The following CDH4 variants were observed in gnomAD, a reference collection of about 807,000 sequenced individuals.
The protein encoded by CDH4 is cadherin-4.
Under a neutral mutation model 86.0 loss-of-function variants are expected in CDH4, and 33 were observed. That is an observed-to-expected ratio of 0.38 (90% CI 0.29 to 0.51). The LOEUF (loss-of-function observed/expected upper bound fraction) is 0.51, where lower values mean the gene tolerates loss of function less well. CDH4 is among the 20% of genes least tolerant of loss of function. CDH4 has a pLI of 0.86. For synonymous variants in CDH4, 555 were observed against 549.4 expected, an observed-to-expected ratio of 1.01 and a Z score of -0.14; for missense variants, 1,114 against 1,307.4, an observed-to-expected ratio of 0.85 and a Z score of 2.28.
At chr20:61,660,173 G>A (rs889089307) in intron 2 of CDH4, among the ~76,000 whole-genome samples, 8 of 152,198 alleles carry the variant, frequency 5.3e-5, no homozygotes, top group Middle Eastern at 3.4e-3. Flanking sequence ...TCTGACCTTC[G>A]TCTCTGGGTG....
chr20:61,932,594 C>G lies in CDH4; in HGVS notation c.2240-391C>G, dbSNP rs112592067. Among the ~76,000 whole-genome samples the G allele has an allele frequency of 4.6e-4, 70 of 152,252 alleles. 1 individual carries two copies. The highest frequency in any genetic ancestry group is 2.1e-3 in the Admixed American group (32 of 15,304). On this transcript the variant is annotated intron_variant, in intron 13 of 15. Transcript: ENST00000614565. The stretch of plus-strand genomic sequence containing the variant: ...ACACGAGCACACACACAGATCTACA[C>G]GCTCACACCCAGGCACACGCATGTG...
chr20:61,838,986 T>A (rs1438046265), intron 4 of CDH4, among the ~76,000 whole-genome samples: 2 of 152,148 alleles, frequency 1.3e-5, no homozygotes, highest in East Asian at 3.8e-4. Flanking sequence ...GAGCTTTTAC[T>A]CCATGGAGAG....
chr20:61,727,554 G>T (rs1025920433), intron 2 of CDH4, among the ~76,000 whole-genome samples: 1 of 152,232 alleles, frequency 6.6e-6, no homozygotes, highest in Non-Finnish European at 1.5e-5. Context: ...AGGAAAGGAG[G>T]TTTAATCGGC....
intron 2 of CDH4, among the ~76,000 whole-genome samples, chr20:61,403,663 G>A (rs140815363): frequency 2.9e-4 from 44 of 152,282 alleles, no homozygotes; most frequent in East Asian, 9.7e-4. Context: ...CCAGAAGGCC[G>A]TGTGCTCATG....
At chr20:61,620,433 T>C (rs1338849422) in intron 2 of CDH4, among the ~76,000 whole-genome samples, 1 of 151,660 alleles carries the variant, frequency 6.6e-6, no homozygotes, top group Non-Finnish European at 1.5e-5. Context: ...GGATAGATAA[T>C]AGATGCTTGA....
intron 2 of CDH4, among the ~76,000 whole-genome samples, chr20:61,486,051 G>A (rs1448303359): frequency 6.6e-6 from 1 of 152,214 alleles, no homozygotes; most frequent in Non-Finnish European, 1.5e-5. Flanking sequence ...GAGAAATGGG[G>A]AGCATTGGCC....
chr20:61,683,936 C>T (rs1274060932), intron 2 of CDH4, among the ~76,000 whole-genome samples: 1 of 152,196 alleles, frequency 6.6e-6, no homozygotes, highest in Non-Finnish European at 1.5e-5. Flanking sequence ...AGGCTGGGCT[C>T]TTCCTGGCGG....
chr20:61,307,427 C>T (rs1175077570), intron 2 of CDH4, among the ~76,000 whole-genome samples: 1 of 152,026 alleles, frequency 6.6e-6, no homozygotes, highest in Non-Finnish European at 1.5e-5. Context: ...ACACACGTTG[C>T]ATGTGTCAGG....
intron 15 of CDH4, among the ~76,000 whole-genome samples, chr20:61,935,617 C>T (rs540301152): frequency 8.0e-5 from 12 of 149,432 alleles, no homozygotes; most frequent in African/African-American, 3.0e-4. Flanking sequence ...AATTAGCCGG[C>T]GTGGTGGCCT....
At chr20:61,711,044 A>G (rs1444575206) in intron 2 of CDH4, among the ~76,000 whole-genome samples, 1 of 152,018 alleles carries the variant, frequency 6.6e-6, no homozygotes, top group Middle Eastern at 3.2e-3. Context: ...AATCCCTCTA[A>G]TCTCCACGTG....
rs1985291467 is a variant in CDH4 at position 61,899,606 on chromosome 20, C to T, written c.1188+4559C>T. ...CCACGCCCGGCTAATTTTTTGTATT[C>T]TTAGTAGTGATGGGGTTTCACTGTG... On this transcript the variant is annotated intron_variant, in intron 8 of 15. Transcript: ENST00000614565. 2.0e-5 allele frequency among the ~76,000 whole-genome samples: 3 copies of T among 152,114 alleles called. No individual in the cohort carries two copies. In the South Asian group the frequency reaches 6.3e-4, roughly 32 times the overall value.
rs142510769 is a variant in CDH4 at position 61,383,279 on chromosome 20, A to G, written c.169+128342A>G. On this transcript the variant is annotated intron_variant, in intron 2 of 15. Coordinates refer to ENST00000614565, the MANE Select transcript of CDH4 (RefSeq NM_001794.5). ...GAATATATGTGATATATATGAATAT[A>G]TGATATATATGAATATATGTGATAT... Among the ~76,000 whole-genome samples the G allele has an allele frequency of 6.9e-3, 745 of 108,540 alleles. 100 individuals carry two copies. The highest frequency in any genetic ancestry group is 0.01 in the Non-Finnish European group (579 of 56,918). 71.2% of individuals were successfully genotyped at this position (108,540 alleles called of 152,430 possible). A position where few individuals can be genotyped will look rare whatever the true frequency, so the allele number is the denominator to read the frequency against.
intron 2 of CDH4, among the ~76,000 whole-genome samples, chr20:61,447,782 C>T (rs914822978): frequency 6.6e-6 from 1 of 152,118 alleles, no homozygotes; most frequent in Admixed American, 6.5e-5. Context: ...TATCTTCAAA[C>T]TCTATTTTTA....
chr20:61,272,509 T>A (rs772541374), intron 2 of CDH4, among the ~76,000 whole-genome samples: 65 of 152,236 alleles, frequency 4.3e-4, no homozygotes, highest in Non-Finnish European at 7.3e-4. Context: ...TGAAATAATA[T>A]TATTTCCTTC....
At chr20:61,624,909 T>G (rs1272767323) in intron 2 of CDH4, among the ~76,000 whole-genome samples, 1 of 152,166 alleles carries the variant, frequency 6.6e-6, no homozygotes, top group African/African-American at 2.4e-5. Context: ...CTGCAGAACC[T>G]GCAGCATAGG....
chr20:61,395,472 T>C (rs974313055), intron 2 of CDH4, among the ~76,000 whole-genome samples: 15 of 152,168 alleles, frequency 9.9e-5, no homozygotes, highest in Admixed American at 8.5e-4. Flanking sequence ...ACATAACATA[T>C]GCATAGTATT....
intron 2 of CDH4, among the ~76,000 whole-genome samples, chr20:61,294,241 C>G (rs1490903586): frequency 6.6e-6 from 1 of 152,198 alleles, no homozygotes; most frequent in Non-Finnish European, 1.5e-5. Context: ...CCCTGGTTCC[C>G]TGAGCTGGGG....
intron 2 of CDH4, among the ~76,000 whole-genome samples, chr20:61,651,528 C>T (rs981832576): frequency 3.3e-4 from 50 of 152,132 alleles, no homozygotes; most frequent in Non-Finnish European, 3.2e-4. Flanking sequence ...CTGGAGGCCA[C>T]GGGGCGCCCT....
intron 2 of CDH4, among the ~76,000 whole-genome samples, chr20:61,381,162 G>A (rs1283738039): frequency 6.6e-6 from 1 of 152,124 alleles, no homozygotes; most frequent in African/African-American, 2.4e-5. Flanking sequence ...ATGAGGCTCG[G>A]GGTGCCTGCG....
Sources: gnomAD v4.1 joint callset for allele counts (sites outside exome capture counted in the v4.1 genomes callset) on GRCh38, gnomAD v4.1.1 for gene constraint, MANE v1.5 for transcripts, NCBI Gene and HGNC (gene_info 2026-07-23, HGNC 2026-07-21) for gene names.